The following ZC3H6 variants were observed in gnomAD, a reference collection of about 807,000 sequenced individuals.
ZC3H6 encodes zinc finger CCCH domain-containing protein 6.
ZC3H6 carries 40 observed loss-of-function variants against 107.7 expected under a neutral mutation model. That is an observed-to-expected ratio of 0.37 (90% confidence interval 0.29 to 0.48). ZC3H6 has a LOEUF of 0.48. Among genes scored for constraint, ZC3H6 ranks in the 20% least tolerant of loss-of-function variants. The pLI, the probability that ZC3H6 is intolerant of heterozygous loss-of-function variation, is 0.98. For synonymous variants in ZC3H6, 493 were observed against 487.9 expected (o/e 1.01, Z -0.14); for missense variants, 1,267 against 1,410.4 (o/e 0.90, Z 1.63).
chr2:112,323,801 T>C (rs1676849977), intron 9 of ZC3H6, among the ~76,000 whole-genome samples: 1 of 152,202 alleles, frequency 6.6e-6, no homozygotes, highest in Admixed American at 6.5e-5. Context: ...AATTTTACTG[T>C]AAAAGGTTAT....
chr2:112,339,946 C>T lies in ZC3H6; in HGVS notation c.*7458C>T, dbSNP rs926913027. The T allele has an allele frequency of 1.3e-5, 2 of 151,948 alleles. No individual in the cohort carries two copies. The highest frequency in any genetic ancestry group is 2.1e-4 in the South Asian group (1 of 4,812). 9.4% of individuals were successfully genotyped at this position (151,948 alleles called of 1,614,324 possible). ...TTGGCAAAATTAGGAATAACTTTTCCCCTCCTTCTTTACTAATAAATTTTC... is the reference window on the plus strand; with the variant it reads ...TTGGCAAAATTAGGAATAACTTTTCTCCTCCTTCTTTACTAATAAATTTTC... On this transcript the variant is annotated 3_prime_UTR_variant, in exon 12 of 12. Coordinates refer to ENST00000409871, the MANE Select transcript of ZC3H6 (RefSeq NM_198581.3).
At chr2:112,305,153 A>C (rs1179567194) in intron 3 of ZC3H6, among the ~76,000 whole-genome samples, 2 of 152,204 alleles carry the variant, frequency 1.3e-5, no homozygotes, top group Admixed American at 6.5e-5. Context: ...CAACACTGAT[A>C]TGTAGTTAGA....
At chr2:112,280,390 A>G (rs1276082140) in intron 1 of ZC3H6, among the ~76,000 whole-genome samples, 1 of 152,202 alleles carries the variant, frequency 6.6e-6, no homozygotes, top group Non-Finnish European at 1.5e-5. Flanking sequence ...ACTCTCAGGA[A>G]GACTCTTTTT....
At chr2:112,320,246 T>C (rs1374960538) in intron 7 of ZC3H6, among the ~76,000 whole-genome samples, 1 of 152,206 alleles carries the variant, frequency 6.6e-6, no homozygotes, top group Non-Finnish European at 1.5e-5. Flanking sequence ...ACACATAATT[T>C]TTTAGAAAAA....
At chr2:112,310,912 A>C (rs766420093) in intron 4 of ZC3H6, among the ~76,000 whole-genome samples, 6 of 152,220 alleles carry the variant, frequency 3.9e-5, no homozygotes, top group Non-Finnish European at 7.3e-5. Context: ...ATTTCCTAGC[A>C]GGATTTCTTT....
At chr2:112,281,554 A>C (rs1406506709) in intron 1 of ZC3H6, among the ~76,000 whole-genome samples, 1 of 152,210 alleles carries the variant, frequency 6.6e-6, no homozygotes, top group Non-Finnish European at 1.5e-5. Flanking sequence ...TTTTAGAACC[A>C]ATAGGATTTA....
Position 112,309,931 on chromosome 2 carries a change from A to T in ZC3H6, c.383A>T (p.His128Leu). 6.3e-7 allele frequency: 1 copy of T among 1,598,734 alleles called. No homozygotes were observed. The highest frequency in any genetic ancestry group is 8.5e-7 in the Non-Finnish European group (1 of 1,171,928). Residue 128 changes from histidine (H) to leucine (L), a missense_variant, in exon 4 of 12, where the codon CAT (histidine) becomes CTT (leucine). By Grantham distance (99) the His-to-Leu change is moderately conservative. This residue lies in a region of ZC3H6 where 337 missense variants were observed against 361.2 expected (regional missense o/e 0.93). Coordinates refer to ENST00000409871, the MANE Select transcript of ZC3H6 (RefSeq NM_198581.3). ...TACATAACATCAAAGAAGGGTCAAC[A>T]TAACAAAAAATTTAAAAGTAAAGAA... ...GSYITSKKGQ[H>L]NKKFKSKEYD...
rs571972832 is a variant in ZC3H6, at chr2:112,311,825, G to T, written c.635G>T (p.Ser212Ile). Reference sequence around the variant, plus strand: ...CTAGGTATTGAACAGAGAGTTAAAAGTTTTAATGTTGGTCGTGGACGTGGC... The same window carrying T: ...CTAGGTATTGAACAGAGAGTTAAAATTTTTAATGTTGGTCGTGGACGTGGC... Reference protein sequence around the residue: ...VQQGIEQRVKSFNVGRGRGLP... With the variant: ...VQQGIEQRVKIFNVGRGRGLP... The change falls in exon 5 of 12, where the codon AGT becomes ATT. Residue 212 changes from serine to isoleucine, a missense_variant. By Grantham distance (142) the Ser-to-Ile change is moderately radical. This residue lies in a region of ZC3H6 where 337 missense variants were observed against 361.2 expected (regional missense o/e 0.93). Transcript: ENST00000409871. The T allele has an allele frequency of 1.1e-5, 17 of 1,612,226 alleles. No homozygotes were observed. The highest frequency in any genetic ancestry group is 1.4e-5 in the Non-Finnish European group (17 of 1,178,986).
intron 2 of ZC3H6, among the ~76,000 whole-genome samples, chr2:112,300,544 T>C (rs975515767): frequency 2.0e-5 from 3 of 152,186 alleles, no homozygotes; most frequent in African/African-American, 4.8e-5. Flanking sequence ...AAATAATATT[T>C]TAATTGATGG....
intron 1 of ZC3H6, among the ~76,000 whole-genome samples, chr2:112,290,693 T>C (rs1440516894): frequency 6.6e-6 from 1 of 151,928 alleles, no homozygotes; most frequent in East Asian, 1.9e-4. Flanking sequence ...AATTCTTACA[T>C]ACATATAGTT....
At position 112,331,926 on chromosome 2, in the gene ZC3H6, C is replaced by G; in HGVS notation, c.3008C>G (p.Pro1003Arg). The change falls in exon 12 of 12, where the codon CCT (proline) becomes CGT (arginine). Residue 1003 changes from proline to arginine, a missense_variant. Pro to Arg is a moderately radical substitution (Grantham distance 103, BLOSUM62 -2). Around this residue, in one of 3 missense-constraint regions of ZC3H6, gnomAD observed 925 missense variants for 1,025.7 expected, o/e 0.90. Transcript: ENST00000409871. Reference protein sequence around the residue: ...KGAPHLPRSNPGSSQPSGAGT... With the variant: ...KGAPHLPRSNRGSSQPSGAGT... Reference sequence around the variant, plus strand: ...GCCCCTCACTTACCCAGATCAAACCCTGGTTCATCACAGCCCTCAGGGGCA... The same window carrying G: ...GCCCCTCACTTACCCAGATCAAACCGTGGTTCATCACAGCCCTCAGGGGCA... The G allele has an allele frequency of 6.2e-7, 1 of 1,614,006 alleles. No homozygotes were observed. The highest frequency in any genetic ancestry group is 8.5e-7 in the Non-Finnish European group (1 of 1,179,882).
At chr2:112,281,987 A>C (rs1686536349) in intron 1 of ZC3H6, among the ~76,000 whole-genome samples, 1 of 152,284 alleles carries the variant, frequency 6.6e-6, no homozygotes, top group Admixed American at 6.5e-5. Context: ...AAATCTGCCT[A>C]TACTGTTGTT....
intron 1 of ZC3H6, among the ~76,000 whole-genome samples, chr2:112,280,395 C>CT (rs893704618): frequency 1.3e-5 from 2 of 152,090 alleles, no homozygotes; most frequent in Non-Finnish European, 2.9e-5. Context: ...CAGGAAGACT[C>CT]TTTTTTTCCC....
intron 3 of ZC3H6, among the ~76,000 whole-genome samples, chr2:112,304,084 C>T (rs1448286869): frequency 2.6e-5 from 4 of 152,084 alleles, no homozygotes; most frequent in Non-Finnish European, 5.9e-5. Flanking sequence ...TACATAATGC[C>T]TGAGGGTTTC....
rs1424206746 is a variant in ZC3H6 at position 112,336,488 on chromosome 2, T to C, written c.*4000T>C. The C allele has an allele frequency of 6.6e-6, 1 of 152,232 alleles. No homozygotes were observed. Among genetic ancestry groups the C allele is most frequent in the Admixed American group, 6.5e-5 (1 of 15,278 alleles). The allele number at this position is 152,232 out of a possible 1,614,324, so 9.4% of individuals were successfully genotyped here. On this transcript the variant is annotated 3_prime_UTR_variant, in exon 12 of 12. Coordinates refer to ENST00000409871, the MANE Select transcript of ZC3H6 (RefSeq NM_198581.3). ...GCATTTGTAAACTATAATTATAGTT[T>C]AAATAAGACTTAGTTTAGGAAATCC...
chr2:112,298,329 A>G (rs1676283480), intron 1 of ZC3H6, among the ~76,000 whole-genome samples: 1 of 152,190 alleles, frequency 6.6e-6, no homozygotes, highest in South Asian at 2.1e-4. Context: ...ACAGGCAGGG[A>G]AAATTCAACT....
At chr2:112,319,028 A>T (rs1041991510) in intron 7 of ZC3H6, among the ~76,000 whole-genome samples, 4 of 152,252 alleles carry the variant, frequency 2.6e-5, no homozygotes, top group African/African-American at 9.6e-5. Context: ...CAGTAAAAGT[A>T]ACTTGGGAGA....
At chr2:112,319,878 CT>C (rs1204872058) in intron 7 of ZC3H6, among the ~76,000 whole-genome samples, 1 of 152,074 alleles carries the variant, frequency 6.6e-6, no homozygotes, top group Non-Finnish European at 1.5e-5. Flanking sequence ...GCCTTTCAGA[CT>C]TTTTTTCTAT....
intron 1 of ZC3H6, among the ~76,000 whole-genome samples, chr2:112,282,264 G>A (rs912308333): frequency 1.3e-5 from 2 of 152,164 alleles, no homozygotes; most frequent in Admixed American, 6.5e-5. Flanking sequence ...AGTTCAGAGC[G>A]GCCGGAGAAC....
Sources: gnomAD v4.1 joint callset for allele counts (sites outside exome capture counted in the v4.1 genomes callset) on GRCh38, gnomAD v4.1.1 for gene constraint, gnomAD v4.1.1 regional missense constraint, MANE v1.5 for transcripts, NCBI Gene and HGNC (gene_info 2026-07-23, HGNC 2026-07-21) for gene names.